Variants in AGGF1 observed in about 807,000 individuals in gnomAD.
AGGF1 encodes the protein angiogenic factor with G patch and FHA domains 1.
A neutral mutation model predicts 86.5 loss-of-function variants in AGGF1; 56 were observed. The ratio of observed to expected loss-of-function variants is 0.65; its 90% confidence interval spans 0.52 to 0.81. AGGF1 has a LOEUF of 0.81. AGGF1 is among the 30% of genes least tolerant of loss of function. The probability of loss-of-function intolerance (pLI) is 0.00; values close to 1 mark genes in which losing one functional copy is unlikely to be tolerated. For missense variants in AGGF1, 816 were observed against 850.9 expected, an observed-to-expected ratio of 0.96 and a Z score of 0.51; for synonymous variants, 313 against 297.1, an observed-to-expected ratio of 1.05 and a Z score of -0.55.
chr5:77,044,311 T>A (rs1324464793), intron 5 of AGGF1, among the ~76,000 whole-genome samples: 1 of 152,188 alleles, frequency 6.6e-6, no homozygotes, highest in Non-Finnish European at 1.5e-5. Flanking sequence ...GACAAGAACT[T>A]TTAAGAAAAA....
At chr5:77,045,532 TA>T (rs1307801717) in intron 5 of AGGF1, among the ~76,000 whole-genome samples, 1 of 152,240 alleles carries the variant, frequency 6.6e-6, no homozygotes, top group Non-Finnish European at 1.5e-5. Context: ...CCAGGCAAGT[TA>T]AAATTTTGGA....
chr5:77,035,694 C>T lies in AGGF1; in HGVS notation c.467C>T (p.Thr156Ile). 6.2e-7 allele frequency: 1 copy of T among 1,613,576 alleles called. No homozygotes were observed. Among genetic ancestry groups the T allele is most frequent in the South Asian group, 1.1e-5 (1 of 91,062 alleles). The change falls in exon 3 of 14, where the codon ACA (threonine) becomes ATA (isoleucine). Residue 156 changes from threonine (T) to isoleucine (I), a missense_variant. Thr to Ile is a moderately conservative substitution (Grantham distance 89). Transcript: ENST00000312916. ...GATGCTTACCCTGGTACCGATAGAACAGAAAATGTTAAATATAGACAAGTG... is the reference window on the plus strand; with the variant it reads ...GATGCTTACCCTGGTACCGATAGAATAGAAAATGTTAAATATAGACAAGTG... ...ENDAYPGTDR[T>I]ENVKYRQVDH...
Position 77,058,207 on chromosome 5 carries a change from C to T in AGGF1, c.1717-1409C>T, listed in dbSNP as rs182645603. ...TATGATTTATTTATATTAATTATAC[C>T]TCAATAAAGTTGTTTTTTAAAAAAG... is the stretch of plus-strand genomic sequence containing the variant. On this transcript the variant is annotated intron_variant, in intron 11 of 13. Transcript: ENST00000312916. Among the ~76,000 whole-genome samples, 224 of 152,056 alleles carry T rather than the reference C, an allele frequency of 1.5e-3. 2 individuals are homozygous for T. Among genetic ancestry groups the T allele is most frequent in the Middle Eastern group, 6.8e-3 (2 of 294 alleles).
chr5:77,032,016 T>A (rs1187767735), intron 1 of AGGF1, among the ~76,000 whole-genome samples: 2 of 152,156 alleles, frequency 1.3e-5, no homozygotes, highest in African/African-American at 4.8e-5. Flanking sequence ...GACCGTTGTC[T>A]AGTCCTTCAT....
intron 5 of AGGF1, among the ~76,000 whole-genome samples, chr5:77,045,936 A>G (rs987373284): frequency 6.6e-6 from 1 of 152,202 alleles, no homozygotes; most frequent in Non-Finnish European, 1.5e-5. Context: ...TAGAAAATGT[A>G]AAAGTACAAA....
intron 4 of AGGF1, 87 bp from the exon 5 acceptor site, chr5:77,039,444 T>G (rs1003120405): frequency 5.0e-6 from 5 of 1,007,924 alleles, no homozygotes; most frequent in Non-Finnish European, 7.4e-6. Context: ...CAAAGAAATA[T>G]TTACCACATT....
chr5:77,038,654 C>T (rs889383611), intron 4 of AGGF1, among the ~76,000 whole-genome samples: 1 of 152,052 alleles, frequency 6.6e-6, no homozygotes, highest in South Asian at 2.1e-4. Flanking sequence ...GGATTAAAGA[C>T]AATAAATTGC....
chr5:77,052,478 A>G (rs994456516), intron 8 of AGGF1, among the ~76,000 whole-genome samples: 1 of 152,218 alleles, frequency 6.6e-6, no homozygotes, highest in Non-Finnish European at 1.5e-5. Flanking sequence ...GAGGTAGGAC[A>G]TATTCTAAAT....
At position 77,062,603 on chromosome 5, in the gene AGGF1, T is replaced by A. The variant is rs552849614; in HGVS notation, c.1945-449T>A. Among the ~76,000 whole-genome samples, 8 of 152,320 alleles carry A rather than the reference T, an allele frequency of 5.3e-5. No individual in the cohort carries two copies. In the South Asian group the frequency reaches 1.5e-3, roughly 28 times the overall value. ...GCACTCAGTAAATGGTAGCTTTGAA[T>A]GTTCTTAAAATATTGAGAAGTGCTC... On this transcript the variant is annotated intron_variant, in intron 13 of 13. Coordinates refer to ENST00000312916, the MANE Select transcript of AGGF1 (RefSeq NM_018046.5).
chr5:77,041,778 GA>G (rs1747086826), intron 5 of AGGF1, among the ~76,000 whole-genome samples: 1 of 125,038 alleles, frequency 8.0e-6, no homozygotes, highest in African/African-American at 3.0e-5. Flanking sequence ...TCCAAGACAA[GA>G]ACTTTTTTTA....
intron 4 of AGGF1, 99 bp from the exon 5 acceptor site, chr5:77,039,432 T>A: frequency 1.1e-6 from 1 of 939,134 alleles, no homozygotes; most frequent in South Asian, 1.7e-5. Flanking sequence ...ACTATAGTTG[T>A]TCAAAGAAAT....
At chr5:77,042,584 T>C (rs1239576032) in intron 5 of AGGF1, among the ~76,000 whole-genome samples, 4 of 42,692 alleles carry the variant, frequency 9.4e-5, no homozygotes, top group East Asian at 9.1e-4. Context: ...GCGGGGGGGC[T>C]GACCCCCCCC....
intron 13 of AGGF1, among the ~76,000 whole-genome samples, chr5:77,062,161 A>G (rs1454860216): frequency 6.6e-6 from 1 of 152,192 alleles, no homozygotes; most frequent in Non-Finnish European, 1.5e-5. Flanking sequence ...GAGCTGAAAA[A>G]TCTGTTTGGT....
In AGGF1 at chr5:77,031,352, A is replaced by C. The variant is rs911531967; in HGVS notation, c.210+376A>C. On this transcript the variant is annotated intron_variant, in intron 1 of 13. Coordinates refer to ENST00000312916, the MANE Select transcript of AGGF1 (RefSeq NM_018046.5). ...TGCTATTCACTGGGTGTGTGAACTT[A>C]TATACCGAGTCTCAGTTCCCCATTA... Among the ~76,000 whole-genome samples, 3 of 152,194 alleles carry C rather than the reference A, an allele frequency of 2.0e-5. No homozygotes were observed. The South Asian group carries it at 6.2e-4, about 32-fold the overall frequency.
intron 4 of AGGF1, among the ~76,000 whole-genome samples, chr5:77,039,033 G>C (rs538878585): frequency 6.6e-6 from 1 of 152,176 alleles, no homozygotes; most frequent in East Asian, 1.9e-4. Context: ...CTAATTTTAA[G>C]TTATGAACAT....
chr5:77,031,069 C>T, intron 1 of AGGF1, 93 bp downstream of exon 1: 1 of 1,325,542 alleles, frequency 7.5e-7, no homozygotes, highest in Non-Finnish European at 1.1e-6. Context: ...GGCAGGGGCT[C>T]AGAACTACTG....
chr5:77,045,264 G>A (rs907711596), intron 5 of AGGF1, among the ~76,000 whole-genome samples: 1 of 152,100 alleles, frequency 6.6e-6, no homozygotes, highest in South Asian at 2.1e-4. Flanking sequence ...TGTATAACAC[G>A]GTGACTATTG....
chr5:77,049,462 C>CA (rs1426517137), intron 8 of AGGF1, among the ~76,000 whole-genome samples: 4 of 149,238 alleles, frequency 2.7e-5, no homozygotes, highest in Non-Finnish European at 4.5e-5. Flanking sequence ...ATTGAGTTTT[C>CA]AAAACAAATA....
At chr5:77,042,427 G>C (rs1402363468) in intron 5 of AGGF1, among the ~76,000 whole-genome samples, 21 of 127,694 alleles carry the variant, frequency 1.6e-4, no homozygotes, top group East Asian at 2.4e-4. Flanking sequence ...AGGGCGGCTG[G>C]CTGGGCGGGG....
Sources: gnomAD v4.1 joint callset for allele counts (sites outside exome capture counted in the v4.1 genomes callset) on GRCh38, gnomAD v4.1.1 for gene constraint, MANE v1.5 for transcripts, NCBI Gene and HGNC (gene_info 2026-07-23, HGNC 2026-07-21) for gene names.